GRIK1: variants seen among roughly 807,000 people sequenced by gnomAD.
GRIK1 encodes glutamate receptor ionotropic, kainate 1.
In GRIK1, 69 loss-of-function variants were observed where a neutral mutation model predicts 105.7. That is an observed-to-expected ratio of 0.65 (90% confidence interval 0.54 to 0.80). The LOEUF is 0.80. GRIK1 is among the 30% of genes least tolerant of loss of function. The pLI, the probability that GRIK1 is intolerant of heterozygous loss-of-function variation, is 0.00. For synonymous variants in GRIK1, 438 were observed against 431.3 expected, an observed-to-expected ratio of 1.02 and a Z score of -0.19; for missense variants, 1,109 against 1,167.3, an observed-to-expected ratio of 0.95 and a Z score of 0.73.
chr21:29,925,890 G>A (rs919541220), intron 1 of GRIK1, among the ~76,000 whole-genome samples: 2 of 152,076 alleles, frequency 1.3e-5, no homozygotes, highest in Admixed American at 6.5e-5. Flanking sequence ...CCTAACCAAA[G>A]TATAACACTC....
At chr21:29,867,883 AG>A (rs2068864494) in intron 1 of GRIK1, among the ~76,000 whole-genome samples, 4 of 16,218 alleles carry the variant, frequency 2.5e-4, no homozygotes, top group African/African-American at 6.4e-4. Context: ...AGAAAGAGAG[AG>A]AAAGAGAGAG....
intron 5 of GRIK1, 128 bp downstream of exon 5, chr21:29,654,682 A>T: frequency 1.5e-6 from 1 of 652,340 alleles, no homozygotes; most frequent in Non-Finnish European, 2.8e-6. Context: ...GATTTAGAGG[A>T]TTCTTAGGAA....
intron 7 of GRIK1, among the ~76,000 whole-genome samples, chr21:29,640,591 T>C (rs1260332579): frequency 1.3e-5 from 2 of 152,232 alleles, no homozygotes; most frequent in African/African-American, 4.8e-5. Context: ...GTCCCTCATC[T>C]TGGAGCTCAT....
intron 1 of GRIK1, among the ~76,000 whole-genome samples, chr21:29,766,210 C>T (rs565699959): frequency 6.6e-6 from 1 of 152,200 alleles, no homozygotes; most frequent in African/African-American, 2.4e-5. Flanking sequence ...AGCCACAGGC[C>T]TTAAAACAAA....
chr21:29,900,850 A>T (rs1346700608), intron 1 of GRIK1, among the ~76,000 whole-genome samples: 2 of 152,202 alleles, frequency 1.3e-5, no homozygotes, highest in African/African-American at 2.4e-5. Context: ...TCTCAGCACC[A>T]CATCACACTT....
At chr21:29,821,487 G>T (rs1020972884) in intron 1 of GRIK1, among the ~76,000 whole-genome samples, 3 of 152,020 alleles carry the variant, frequency 2.0e-5, no homozygotes, top group Admixed American at 6.6e-5. Flanking sequence ...GCACTAAACA[G>T]GATGAAAAAC....
intron 7 of GRIK1, among the ~76,000 whole-genome samples, chr21:29,638,887 C>T (rs564342085): frequency 2.6e-5 from 4 of 152,194 alleles, no homozygotes; most frequent in East Asian, 3.9e-4. Flanking sequence ...AATATGTAAT[C>T]CCTACAAACT....
Position 29,815,438 on chromosome 21 carries a change from C to T in GRIK1, c.119-121375G>A, listed in dbSNP as rs142261609. On this transcript the variant is annotated intron_variant, in intron 1 of 17. Transcript: ENST00000327783. ...CACCTTGTAAGTACTCAGTTGATGACGGCTGTTTTGATTATTCAAGGAAAC... is the reference window on the plus strand; with the variant it reads ...CACCTTGTAAGTACTCAGTTGATGATGGCTGTTTTGATTATTCAAGGAAAC... 2.6e-4 allele frequency among the ~76,000 whole-genome samples: 40 copies of T among 152,192 alleles called. No homozygotes were observed. The East Asian group carries it at 5.4e-3, about 21-fold the overall frequency.
At chr21:29,597,000 AAAG>A (rs751785673) in intron 8 of GRIK1, among the ~76,000 whole-genome samples, 10 of 152,274 alleles carry the variant, frequency 6.6e-5, no homozygotes, top group South Asian at 2.1e-4. Context: ...ACACACATAT[AAAG>A]AAGAAGTATG....
intron 8 of GRIK1, 169 bp downstream of exon 8, chr21:29,598,661 G>T: frequency 1.9e-6 from 1 of 517,480 alleles, no homozygotes. Context: ...TAAGAATCTA[G>T]CACATCAACT....
At chr21:29,595,813 GT>G (rs1326641654) in intron 9 of GRIK1, among the ~76,000 whole-genome samples, 1 of 152,112 alleles carries the variant, frequency 6.6e-6, no homozygotes, top group Admixed American at 6.5e-5. Context: ...TGATCCAAAT[GT>G]TTTTAATGTC....
intron 1 of GRIK1, among the ~76,000 whole-genome samples, chr21:29,896,753 T>C (rs1433089074): frequency 2.0e-5 from 3 of 152,200 alleles, no homozygotes; most frequent in Non-Finnish European, 4.4e-5. Flanking sequence ...TATGTAAAGA[T>C]TAGCTACTTG....
chr21:29,923,151 A>G (rs567184510), intron 1 of GRIK1, among the ~76,000 whole-genome samples: 1 of 152,300 alleles, frequency 6.6e-6, no homozygotes, highest in South Asian at 2.1e-4. Flanking sequence ...ATGAAATATA[A>G]TGCTAATTTG....
chr21:29,805,722 A>G (rs1399210870), intron 1 of GRIK1, among the ~76,000 whole-genome samples: 1 of 152,184 alleles, frequency 6.6e-6, no homozygotes, highest in Non-Finnish European at 1.5e-5. Flanking sequence ...TGACACCTAT[A>G]GCAGACATTG....
At chr21:29,709,119 A>T (rs1322527657) in intron 1 of GRIK1, among the ~76,000 whole-genome samples, 1 of 152,078 alleles carries the variant, frequency 6.6e-6, no homozygotes, top group African/African-American at 2.4e-5. Context: ...CTGATCTGTT[A>T]TACCACCTTT....
chr21:29,934,616 G>A (rs1325294571), intron 1 of GRIK1, among the ~76,000 whole-genome samples: 5 of 152,226 alleles, frequency 3.3e-5, no homozygotes, highest in South Asian at 4.2e-4. Flanking sequence ...CACTTATACT[G>A]TGTGTACTTG....
chr21:29,696,903 G>A (rs1460761779), intron 1 of GRIK1, among the ~76,000 whole-genome samples: 2 of 152,178 alleles, frequency 1.3e-5, no homozygotes, highest in Non-Finnish European at 2.9e-5. Flanking sequence ...TCCTCTTTGA[G>A]AAGGATTTTT....
At chr21:29,712,631 A>G (rs1407954162) in intron 1 of GRIK1, among the ~76,000 whole-genome samples, 1 of 152,160 alleles carries the variant, frequency 6.6e-6, no homozygotes, top group Non-Finnish European at 1.5e-5. Context: ...ATGTAGCTGA[A>G]CGTTTTTCCA....
At chr21:29,564,550 G>A (rs889478354) in intron 14 of GRIK1, among the ~76,000 whole-genome samples, 2 of 152,282 alleles carry the variant, frequency 1.3e-5, no homozygotes, top group African/African-American at 4.8e-5. Flanking sequence ...GTTCATCCAC[G>A]GTAAATGGAG....
Sources: gnomAD v4.1 joint callset for allele counts (sites outside exome capture counted in the v4.1 genomes callset) on GRCh38, gnomAD v4.1.1 for gene constraint, MANE v1.5 for transcripts, NCBI Gene and HGNC (gene_info 2026-07-23, HGNC 2026-07-21) for gene names.